Variants in EIF3A observed in about 807,000 individuals in gnomAD.
EIF3A encodes eukaryotic translation initiation factor 3 subunit A, also known as EIF3, p180 subunit.
A neutral mutation model predicts 186.6 loss-of-function variants in EIF3A; 21 were observed. That is an observed-to-expected ratio of 0.11 (90% confidence interval 0.08 to 0.16). EIF3A has a LOEUF of 0.16. Among genes scored for constraint, EIF3A ranks in the 10% least tolerant of loss-of-function variants. The probability of loss-of-function intolerance (pLI) is 1.00; values close to 1 mark genes in which losing one functional copy is unlikely to be tolerated. For synonymous variants in EIF3A, 563 were observed against 584.3 expected (o/e 0.96, Z 0.52); for missense variants, 1,306 against 1,796.3 (o/e 0.73, Z 4.93).
In EIF3A at chr10:119,070,874, GCT is replaced by G. The variant is rs1197670541; in HGVS notation, c.741+10_741+11del. On this transcript the variant is annotated intron_variant, in intron 5 of 21. Coordinates refer to ENST00000369144, the MANE Select transcript of EIF3A (RefSeq NM_003750.4). The stretch of plus-strand genomic sequence containing the variant: ...TTATTTCTAGGAAGAAAAGCTAATA[GCT>G]CCAACATACCTGCCACAATTCCATG... The G allele has an allele frequency of 1.3e-6, 2 of 1,597,010 alleles. No individual in the cohort carries two copies. Among genetic ancestry groups the G allele is most frequent in the African/African-American group, 2.7e-5 (2 of 74,700 alleles).
chr10:119,049,907 A>G lies in EIF3A; in HGVS notation c.2552T>C (p.Leu851Ser). 6.2e-7 allele frequency: 1 copy of G among 1,614,000 alleles called. No individual in the cohort carries two copies. The highest frequency in any genetic ancestry group is 1.1e-5 in the South Asian group (1 of 91,078). ...GCGTTTTTTCCTTTCCACTTCTTCT[A>G]ATTTCTTCACCCGCTCCTGATACTC... ...LREYQERVKK[L>S]EEVERKKRQR... The change falls in exon 17 of 22, where the codon TTA becomes TCA. Residue 851 changes from leucine to serine, a missense_variant. Transcript: ENST00000369144.
At chr10:119,053,557 CAAAAA>C (rs33979018) in intron 14 of EIF3A, among the ~76,000 whole-genome samples, 15 of 110,532 alleles carry the variant, frequency 1.4e-4, no homozygotes, top group East Asian at 2.7e-4. Flanking sequence ...ACTAAAAATA[CAAAAA>C]AAAAAAAAAA....
At chr10:119,070,077 G>T (rs531424215) in intron 5 of EIF3A, among the ~76,000 whole-genome samples, 1 of 151,494 alleles carries the variant, frequency 6.6e-6, no homozygotes, top group Non-Finnish European at 1.5e-5. Flanking sequence ...TAAGATGGGT[G>T]TCCCTATAGA....
chr10:119,073,648 T>TAA, intron 2 of EIF3A, 71 bp from the exon 3 acceptor site: 2 of 1,575,304 alleles, frequency 1.3e-6, no homozygotes, highest in South Asian at 2.3e-5. Context: ...TAAAGGCAAA[T>TAA]TTTTAAGAGA....
At chr10:119,045,969 A>G (rs1848278653) in intron 17 of EIF3A, among the ~76,000 whole-genome samples, 2 of 152,230 alleles carry the variant, frequency 1.3e-5, no homozygotes, top group Admixed American at 6.5e-5. Context: ...AGAGAGTAAA[A>G]GAAACATTAA....
intron 17 of EIF3A, among the ~76,000 whole-genome samples, chr10:119,048,607 AC>A (rs1848314309): frequency 6.6e-6 from 1 of 151,966 alleles, no homozygotes; most frequent in Non-Finnish European, 1.5e-5. Flanking sequence ...ACAGCTGCTG[AC>A]CACCAAACAT....
At chr10:119,068,621 A>G (rs1371950536) in intron 6 of EIF3A, among the ~76,000 whole-genome samples, 2 of 152,042 alleles carry the variant, frequency 1.3e-5, no homozygotes, top group Non-Finnish European at 1.5e-5. Flanking sequence ...GTGAGATCGC[A>G]TCATTGCACT....
At chr10:119,044,174 A>G (rs1848252451) in intron 17 of EIF3A, 32 bp from the exon 18 acceptor site, 4 of 1,411,178 alleles carry the variant, frequency 2.8e-6, no homozygotes, top group Middle Eastern at 3.5e-4. Flanking sequence ...GAAGCATTAC[A>G]TTGGTAACCA....
rs189842716 is a variant in EIF3A at position 119,049,136 on chromosome 10, T to C, written c.2658+665A>G. On this transcript the variant is annotated intron_variant, in intron 17 of 21. Coordinates refer to ENST00000369144, the MANE Select transcript of EIF3A (RefSeq NM_003750.4). The stretch of plus-strand genomic sequence containing the variant: ...TTCTTCCCCCCTTAGGTGCCTTCTG[T>C]TCTTTGGGAAAACTACCACATTAAA... Among the ~76,000 whole-genome samples the C allele has an allele frequency of 2.1e-3, 315 of 152,264 alleles. 2 individuals carry two copies. The highest frequency in any genetic ancestry group is 7.3e-3 in the African/African-American group (303 of 41,556).
intron 1 of EIF3A, 123 bp downstream of exon 1, chr10:119,080,505 A>G (rs1211398073): frequency 7.1e-7 from 1 of 1,403,684 alleles, no homozygotes; most frequent in Middle Eastern, 2.6e-4. Flanking sequence ...AGCGGCGGGC[A>G]GGCCGCATCG....
chr10:119,038,344 C>G lies in EIF3A; in HGVS notation c.3622G>C (p.Glu1208Gln), dbSNP rs768415718. The G allele has an allele frequency of 6.2e-7, 1 of 1,614,178 alleles. No homozygotes were observed. Residue 1208 changes from glutamate (E) to glutamine (Q), a missense_variant, in exon 20 of 22, where the codon GAA becomes CAA. Physicochemically the swap from Glu to Gln is conservative, Grantham distance 29. This residue lies in a region of EIF3A where 331 missense variants were observed against 365.8 expected (regional missense o/e 0.90). Transcript: ENST00000369144. Reference protein sequence around the residue: ...SEEREWDREKERDRDNQDREE... With the variant: ...SEEREWDREKQRDRDNQDREE... ...CGATCTTGATTATCTCTGTCCCTTT[C>G]TTTTTCTCTGTCCCATTCACGTTCT...
chr10:119,056,913 G>A, intron 13 of EIF3A, 23 bp downstream of exon 13: 2 of 1,594,474 alleles, frequency 1.3e-6, no homozygotes, highest in Non-Finnish European at 1.7e-6. Context: ...GTATGTTAAA[G>A]GTTTACCAAC....
intron 1 of EIF3A, among the ~76,000 whole-genome samples, chr10:119,076,488 A>C (rs1047404016): frequency 6.7e-6 from 1 of 148,222 alleles, no homozygotes; most frequent in African/African-American, 2.5e-5. Context: ...TCTTACTATC[A>C]AAAAAAAAAC....
At chr10:119,077,430 A>G (rs1844195538) in intron 1 of EIF3A, among the ~76,000 whole-genome samples, 1 of 152,146 alleles carries the variant, frequency 6.6e-6, no homozygotes, top group Non-Finnish European at 1.5e-5. Context: ...CAGCCTGGCC[A>G]ACAGAGAGAG....
At chr10:119,044,847 C>CA (rs549913846) in intron 17 of EIF3A, among the ~76,000 whole-genome samples, 286 of 151,488 alleles carry the variant, frequency 1.9e-3, no homozygotes, top group African/African-American at 6.7e-3. Flanking sequence ...GCCTCTGTCT[C>CA]AAAAAAATAA....
At chr10:119,041,365 G>C (rs1385372123) in intron 19 of EIF3A, among the ~76,000 whole-genome samples, 1 of 152,080 alleles carries the variant, frequency 6.6e-6, no homozygotes, top group East Asian at 1.9e-4. Context: ...TTGGGCCCAG[G>C]AGTTTGAGAC....
rs368983014 is a variant in EIF3A at position 119,058,291 on chromosome 10, C to G, written c.1642G>C (p.Glu548Gln). The G allele has an allele frequency of 3.8e-6, 6 of 1,576,756 alleles. No homozygotes were observed. The African/African-American group carries it at 8.2e-5, about 21-fold the overall frequency. Residue 548 changes from glutamate (E) to glutamine (Q), a missense_variant, in exon 12 of 22, where the codon GAA becomes CAA. Physicochemically the swap from Glu to Gln is conservative, Grantham distance 29 (BLOSUM62 2). Transcript: ENST00000369144. The stretch of plus-strand genomic sequence containing the variant: ...GCAGTGACAGCCAACTGATGCTGTT[C>G]TTCTTTCTCTTGCTTCAAAAACAAA... ...KPAHILQEKE[E>Q]QHQLAVTAYL... is the part of the protein sequence containing the mutation.
intron 20 of EIF3A, 140 bp from the exon 21 acceptor site, chr10:119,037,449 C>A (rs767114161): frequency 3.0e-5 from 21 of 706,808 alleles, no homozygotes; most frequent in Non-Finnish European, 3.9e-5. Flanking sequence ...TTACCTGATG[C>A]CTGGGGCGTG....
At chr10:119,046,276 A>T (rs1848281799) in intron 17 of EIF3A, among the ~76,000 whole-genome samples, 1 of 152,246 alleles carries the variant, frequency 6.6e-6, no homozygotes, top group African/African-American at 2.4e-5. Context: ...ACAGAAGCAA[A>T]GGTCTCTATT....
Sources: gnomAD v4.1 joint callset for allele counts (sites outside exome capture counted in the v4.1 genomes callset) on GRCh38, gnomAD v4.1.1 for gene constraint, gnomAD v4.1.1 regional missense constraint, MANE v1.5 for transcripts, NCBI Gene and HGNC (gene_info 2026-07-23, HGNC 2026-07-21) for gene names.